Variants in TRIM23 observed in about 807,000 individuals in gnomAD.
TRIM23 encodes tripartite motif containing 23.
A neutral mutation model predicts 71.0 loss-of-function variants in TRIM23; 27 were observed. The observed-to-expected ratio is 0.38, with a 90% confidence interval of 0.28 to 0.52. TRIM23 has a LOEUF of 0.52. Ranked by LOEUF, TRIM23 falls within the 20% of genes least tolerant of loss-of-function variation. TRIM23 has a pLI of 0.84. For missense variants in TRIM23, 482 were observed against 692.3 expected, an observed-to-expected ratio of 0.70 and a Z score of 3.41; for synonymous variants, 234 against 238.0, an observed-to-expected ratio of 0.98 and a Z score of 0.16.
At position 65,591,437 on chromosome 5, in the gene TRIM23, C is replaced by T. The variant is rs200463696; in HGVS notation, c.*332G>A. 2 of 1,594,136 alleles carry T rather than the reference C, an allele frequency of 1.3e-6. No homozygotes were observed. The highest frequency in any genetic ancestry group is 1.7e-5 in the Admixed American group (1 of 57,298). ...ATTCTTTTTTCACTGAAAGAATAAA[C>T]CTTCACTTACCCTTTCTCTGTGACT... On this transcript the variant is annotated 3_prime_UTR_variant, in exon 11 of 11. Coordinates refer to ENST00000231524, the MANE Select transcript of TRIM23 (RefSeq NM_001656.4).
At chr5:65,614,776 A>G (rs917350576) in intron 2 of TRIM23, among the ~76,000 whole-genome samples, 2 of 152,032 alleles carry the variant, frequency 1.3e-5, no homozygotes, top group Non-Finnish European at 2.9e-5. Context: ...AAAAAAAATT[A>G]TGGTGGTAAA....
At chr5:65,616,104 G>A (rs575415704) in intron 2 of TRIM23, among the ~76,000 whole-genome samples, 1 of 152,214 alleles carries the variant, frequency 6.6e-6, no homozygotes. Flanking sequence ...TGATGCGTAA[G>A]AGGGCAAGGA....
chr5:65,606,520 C>T (rs993577035), intron 6 of TRIM23, among the ~76,000 whole-genome samples: 4 of 151,798 alleles, frequency 2.6e-5, no homozygotes, highest in African/African-American at 9.7e-5. Flanking sequence ...CAGGGCCTTC[C>T]TTACATATAA....
At chr5:65,598,558 T>C (rs1754271533) in intron 7 of TRIM23, among the ~76,000 whole-genome samples, 1 of 152,218 alleles carries the variant, frequency 6.6e-6, no homozygotes, top group Non-Finnish European at 1.5e-5. Flanking sequence ...GAGACCAGCC[T>C]GACCAACATA....
intron 7 of TRIM23, among the ~76,000 whole-genome samples, chr5:65,597,698 T>A (rs1005531587): frequency 1.3e-5 from 2 of 152,196 alleles, no homozygotes; most frequent in African/African-American, 4.8e-5. Flanking sequence ...TGTCAATACA[T>A]ATTGACCAAC....
chr5:65,608,290 A>G (rs1458652218), intron 6 of TRIM23, among the ~76,000 whole-genome samples: 1 of 152,118 alleles, frequency 6.6e-6, no homozygotes, highest in East Asian at 1.9e-4. Flanking sequence ...CACAATTATG[A>G]GGTCTGTAGA....
At position 65,624,271 on chromosome 5, in the gene TRIM23, C is replaced by T; in HGVS notation, c.4G>A (p.Ala2Thr). The T allele has an allele frequency of 6.2e-7, 1 of 1,614,044 alleles. No individual in the cohort carries two copies. Among genetic ancestry groups the T allele is most frequent in the Non-Finnish European group, 8.5e-7 (1 of 1,180,026 alleles). Residue 2 changes from alanine to threonine, a missense_variant, in exon 1 of 11, where the codon GCT (alanine) becomes ACT (threonine). Physicochemically the swap from Ala to Thr is moderately conservative, Grantham distance 58. Coordinates refer to ENST00000231524, the MANE Select transcript of TRIM23 (RefSeq NM_001656.4). Reference protein sequence around the residue: MATLVVNKLGAG... With the variant: MTTLVVNKLGAG... ...CCGAGCTTGTTTACAACCAGGGTAG[C>T]CATCCTCGCAGGGGAAGCGCCACAG... is the stretch of plus-strand genomic sequence containing the variant.
intron 1 of TRIM23, 131 bp from the exon 2 acceptor site, chr5:65,618,386 T>C: frequency 3.1e-6 from 3 of 978,778 alleles, no homozygotes; most frequent in South Asian, 3.0e-5. Context: ...AAAAAAACTA[T>C]GTAGGTTGTA....
chr5:65,619,490 T>C (rs1280013556), intron 1 of TRIM23, among the ~76,000 whole-genome samples: 1 of 151,982 alleles, frequency 6.6e-6, no homozygotes, highest in African/African-American at 2.4e-5. Context: ...CAACACGAGG[T>C]AAAAAACAGA....
Position 65,624,153 on chromosome 5 carries a change from G to C in TRIM23, c.81+41C>G, listed in dbSNP as rs763603565. On this transcript the variant is annotated intron_variant, in intron 1 of 10. Transcript: ENST00000231524. ...GCCAGGTCTCCAGGATGAACCGAAG[G>C]GAGGCCGATGGTGGAGAATAGAGCA... The C allele has an allele frequency of 9.3e-6, 15 of 1,612,844 alleles. No individual in the cohort carries two copies. The Admixed American group carries it at 2.3e-4, about 25-fold the overall frequency.
chr5:65,592,915 T>G (rs1754085295), intron 10 of TRIM23, among the ~76,000 whole-genome samples: 1 of 152,226 alleles, frequency 6.6e-6, no homozygotes, highest in Non-Finnish European at 1.5e-5. Flanking sequence ...ATGTTCAGAT[T>G]GAAGTTTTAT....
intron 7 of TRIM23, among the ~76,000 whole-genome samples, chr5:65,598,507 G>T (rs1754270274): frequency 1.3e-5 from 2 of 152,206 alleles, no homozygotes. Context: ...AGCACTTCGG[G>T]AGGCCGAGGT....
Position 65,591,720 on chromosome 5 carries a change from G to GCAA in TRIM23, c.*46_*48dup. On this transcript the variant is annotated 3_prime_UTR_variant, in exon 11 of 11. Coordinates refer to ENST00000231524, the MANE Select transcript of TRIM23 (RefSeq NM_001656.4). ...TATAATTTCTTAAAACATACTATGTGCAAAGTTACTTTTAACCACAAAACT... is the reference window on the plus strand; with the variant it reads ...TATAATTTCTTAAAACATACTATGTGCAACAAAGTTACTTTTAACCACAAAACT... The GCAA allele has an allele frequency of 1.3e-6, 2 of 1,558,512 alleles. No individual in the cohort carries two copies. The highest frequency in any genetic ancestry group is 2.5e-5 in the South Asian group (2 of 80,510).
At chr5:65,611,193 A>G (rs1754639742) in intron 4 of TRIM23, 150 bp from the exon 5 acceptor site, 9 of 733,296 alleles carry the variant, frequency 1.2e-5, no homozygotes, top group Non-Finnish European at 1.8e-5. Flanking sequence ...ACTCCTTTAT[A>G]AGAAAACTGT....
At chr5:65,609,184 T>C in intron 6 of TRIM23, 59 bp downstream of exon 6, 1 of 1,536,960 alleles carries the variant, frequency 6.5e-7, no homozygotes, top group Non-Finnish European at 9.0e-7. Context: ...AATGTATACC[T>C]CTGGTAATTA....
At chr5:65,612,030 A>C (rs755244925) in intron 3 of TRIM23, 149 bp from the exon 4 acceptor site, 3 of 753,240 alleles carry the variant, frequency 4.0e-6, no homozygotes, top group Non-Finnish European at 6.2e-6. Context: ...AGGTCATTCA[A>C]TACTCATCTG....
Position 65,591,795 on chromosome 5 carries a change from C to T in TRIM23, c.1699G>A (p.Ala567Thr). Residue 567 changes from alanine to threonine, a missense_variant, in exon 11 of 11, where the codon GCT becomes ACT. Physicochemically the swap from Ala to Thr is moderately conservative, Grantham distance 58 (BLOSUM62 0). Around this residue, in one of 2 missense-constraint regions of TRIM23, gnomAD observed 307 missense variants for 495.8 expected, o/e 0.62. Coordinates refer to ENST00000231524, the MANE Select transcript of TRIM23 (RefSeq NM_001656.4). ...GLDWLSRQLV[A>T]AGVLDVA Reference sequence around the variant, plus strand: ...CAAGCAACATCCAATACTCCAGCAGCTACAAGTTGCCGTGAGAGCCAGTCC... The same window carrying T: ...CAAGCAACATCCAATACTCCAGCAGTTACAAGTTGCCGTGAGAGCCAGTCC... The T allele has an allele frequency of 6.2e-7, 1 of 1,611,318 alleles. No homozygotes were observed. Among genetic ancestry groups the T allele is most frequent in the African/African-American group, 1.3e-5 (1 of 74,950 alleles).
rs66463129 is a variant in TRIM23, at chr5:65,590,683, A to AT, written c.*1085dup. 1,867 of 885,252 alleles carry AT rather than the reference A, an allele frequency of 2.1e-3. No individual in the cohort carries two copies. The highest frequency in any genetic ancestry group is 2.4e-3 in the Non-Finnish European group (1,735 of 737,710). The allele number at this position is 885,252 out of a possible 1,614,324, so 54.8% of individuals were successfully genotyped here. ...TGAATAATTAATGTAAACTTTTTGAATTTTTTTTTTCTTTAGACATTTTTC... is the reference window on the plus strand; with the variant it reads ...TGAATAATTAATGTAAACTTTTTGAATTTTTTTTTTTCTTTAGACATTTTTC... On this transcript the variant is annotated 3_prime_UTR_variant, in exon 11 of 11. Coordinates refer to ENST00000231524, the MANE Select transcript of TRIM23 (RefSeq NM_001656.4).
chr5:65,622,854 G>A (rs1395916127), intron 1 of TRIM23, among the ~76,000 whole-genome samples: 1 of 152,096 alleles, frequency 6.6e-6, no homozygotes, highest in East Asian at 1.9e-4. Flanking sequence ...GGCAAACAGG[G>A]TAACAAAAAA....
Sources: allele counts gnomAD v4.1 joint callset (sites outside exome capture counted in the v4.1 genomes callset), GRCh38; gene constraint gnomAD v4.1.1; regional missense constraint gnomAD v4.1.1; transcripts MANE v1.5; gene names NCBI Gene and HGNC (gene_info 2026-07-23, HGNC 2026-07-21).